HDAC9: variants seen among roughly 807,000 people sequenced by gnomAD.
The protein encoded by HDAC9 is MEF-2 interacting transcription repressor (MITR) protein.
Under a neutral mutation model 139.4 loss-of-function variants are expected in HDAC9, and 41 were observed. That is an observed-to-expected ratio of 0.29 (90% CI 0.23 to 0.38). The LOEUF (loss-of-function observed/expected upper bound fraction) is 0.38, where lower values mean the gene tolerates loss of function less well. HDAC9 is among the 10% of genes least tolerant of loss of function. The pLI is 1.00. For missense variants in HDAC9, 1,147 were observed against 1,297.0 expected (o/e 0.88, Z 1.78); for synonymous variants, 517 against 476.2 (o/e 1.09, Z -1.12).
intron 1 of HDAC9, among the ~76,000 whole-genome samples, chr7:18,380,324 T>A (rs1191081065): frequency 6.6e-6 from 1 of 152,164 alleles, no homozygotes; most frequent in Non-Finnish European, 1.5e-5. Context: ...TAAAATAATT[T>A]AAAGAAACAT....
At chr7:18,458,724 T>G in intron 1 of HDAC9, 1 of 640,660 alleles carries the variant, frequency 1.6e-6, no homozygotes. Context: ...AATGATAAGC[T>G]GTAGACCTCT....
intron 24 of HDAC9, among the ~76,000 whole-genome samples, chr7:18,959,371 G>A (rs943404659): frequency 4.6e-5 from 7 of 152,138 alleles, no homozygotes; most frequent in African/African-American, 1.7e-4. Context: ...ATTTCTTAGT[G>A]AGAAGAGTAT....
intron 2 of HDAC9, among the ~76,000 whole-genome samples, chr7:18,571,626 T>TTA (rs1824321163): frequency 6.6e-6 from 1 of 151,118 alleles, no homozygotes; most frequent in African/African-American, 2.5e-5. Flanking sequence ...ATTTTTTATT[T>TTA]TTTATTTTTT....
At chr7:18,630,915 C>G (rs1228361817) in intron 7 of HDAC9, among the ~76,000 whole-genome samples, 1 of 152,082 alleles carries the variant, frequency 6.6e-6, no homozygotes, top group East Asian at 1.9e-4. Context: ...GTTTTTCTAA[C>G]TGCAGAAAGT....
At chr7:18,641,192 A>G (rs1202509330) in intron 8 of HDAC9, among the ~76,000 whole-genome samples, 1 of 152,108 alleles carries the variant, frequency 6.6e-6, no homozygotes, top group African/African-American at 2.4e-5. Flanking sequence ...GTTCCAGTCC[A>G]TGTGTTTTGT....
chr7:18,295,694 G>A (rs1246473943), intron 1 of HDAC9, among the ~76,000 whole-genome samples: 2 of 152,084 alleles, frequency 1.3e-5, no homozygotes, highest in East Asian at 1.9e-4. Flanking sequence ...AGATTACCAG[G>A]TACCATTGCT....
At chr7:18,590,154 C>T (rs1227351299) in intron 3 of HDAC9, among the ~76,000 whole-genome samples, 182 bp from the exon 4 acceptor site, 4 of 152,156 alleles carry the variant, frequency 2.6e-5, no homozygotes, top group South Asian at 4.1e-4. Flanking sequence ...CTGTTGATGA[C>T]GTTAAGACCT....
At chr7:18,758,230 T>C (rs1562918955) in intron 14 of HDAC9, among the ~76,000 whole-genome samples, 1 of 152,210 alleles carries the variant, frequency 6.6e-6, no homozygotes, top group Non-Finnish European at 1.5e-5. Flanking sequence ...CTTATTTGCA[T>C]TGTGTGCCCC....
At position 18,934,376 on chromosome 7, in the gene HDAC9, A is replaced by C. The variant is rs117490324; in HGVS notation, c.2804-1433A>C. On this transcript the variant is annotated intron_variant, in intron 22 of 25. Coordinates refer to ENST00000686413, the MANE Select transcript of HDAC9 (RefSeq NM_178425.4). ...ATTAACCCCATTCATGAACATACTC[A>C]AAAAAATCTTAAAGCATTAGCAAAA... 1.5e-3 allele frequency among the ~76,000 whole-genome samples: 235 copies of C among 152,124 alleles called. 5 individuals carry two copies. In the East Asian group the frequency reaches 0.036, roughly 23 times the overall value.
chr7:18,140,629 G>A (rs1785831149), intron 1 of HDAC9, among the ~76,000 whole-genome samples: 1 of 152,104 alleles, frequency 6.6e-6, no homozygotes, highest in Non-Finnish European at 1.5e-5. Flanking sequence ...ATCTAATTAT[G>A]ATAACAGATT....
At chr7:18,226,729 C>T (rs942397569) in intron 2 of HDAC9, among the ~76,000 whole-genome samples, 2 of 152,182 alleles carry the variant, frequency 1.3e-5, no homozygotes, top group Admixed American at 1.3e-4. Flanking sequence ...GATGTCTTAA[C>T]ACATCTGTGG....
intron 6 of HDAC9, among the ~76,000 whole-genome samples, chr7:18,601,876 TG>T (rs1476829019): frequency 6.6e-6 from 1 of 152,210 alleles, no homozygotes; most frequent in Non-Finnish European, 1.5e-5. Flanking sequence ...GCTAGTATTT[TG>T]TGGAAGATTT....
intron 17 of HDAC9, among the ~76,000 whole-genome samples, chr7:18,804,616 C>G (rs1382713515): frequency 6.6e-6 from 1 of 152,060 alleles, no homozygotes; most frequent in East Asian, 1.9e-4. Context: ...ATTGAAATAC[C>G]TGTGTTGACT....
At chr7:18,267,985 A>G (rs891461511) in intron 2 of HDAC9, among the ~76,000 whole-genome samples, 2 of 152,064 alleles carry the variant, frequency 1.3e-5, no homozygotes, top group Admixed American at 6.6e-5. Context: ...CTCTTTCTTT[A>G]CATAGTACTT....
At chr7:18,916,689 G>C (rs1013226598) in intron 22 of HDAC9, among the ~76,000 whole-genome samples, 3 of 151,932 alleles carry the variant, frequency 2.0e-5, no homozygotes, top group African/African-American at 7.2e-5. Context: ...CATTCTACCC[G>C]CCTATCAGAG....
chr7:18,133,596 C>T (rs924024679), intron 1 of HDAC9, among the ~76,000 whole-genome samples: 1 of 152,106 alleles, frequency 6.6e-6, no homozygotes, highest in African/African-American at 2.4e-5. Flanking sequence ...CAGATATGAA[C>T]GTTTTCACTT....
At chr7:18,523,737 T>C (rs1195376836) in intron 2 of HDAC9, among the ~76,000 whole-genome samples, 1 of 152,112 alleles carries the variant, frequency 6.6e-6, no homozygotes, top group Non-Finnish European at 1.5e-5. Flanking sequence ...AGGTGGTTCA[T>C]GAGTTGGGAG....
At chr7:18,849,925 C>T (rs1181975694) in intron 21 of HDAC9, among the ~76,000 whole-genome samples, 1 of 151,960 alleles carries the variant, frequency 6.6e-6, no homozygotes, top group African/African-American at 2.4e-5. Flanking sequence ...ATGTCCTGAA[C>T]TTTATTAAAC....
intron 22 of HDAC9, among the ~76,000 whole-genome samples, chr7:18,908,100 A>ACATGAAATGATCTG (rs538688364): frequency 4.5e-4 from 69 of 152,202 alleles, no homozygotes; most frequent in African/African-American, 1.6e-3. Flanking sequence ...TTAATTTGAG[A>ACATGAAATGATCTG]CATGAAATGT....
Sources: gnomAD v4.1 joint callset for allele counts (sites outside exome capture counted in the v4.1 genomes callset) on GRCh38, gnomAD v4.1.1 for gene constraint, MANE v1.5 for transcripts, NCBI Gene and HGNC (gene_info 2026-07-23, HGNC 2026-07-21) for gene names.